FARS2: variants seen among roughly 807,000 people sequenced by gnomAD.
The protein encoded by FARS2 is phenylalanyl-tRNA synthetase 2, mitochondrial.
A neutral mutation model predicts 46.4 loss-of-function variants in FARS2; 40 were observed. The ratio of observed to expected loss-of-function variants is 0.86; its 90% confidence interval spans 0.67 to 1.12. The LOEUF (loss-of-function observed/expected upper bound fraction) is 1.12. Ranked by LOEUF, FARS2 falls within the 50% of genes most tolerant of loss-of-function variation. The pLI is 0.00. For synonymous variants in FARS2, 234 were observed against 214.9 expected (o/e 1.09, Z -0.78); for missense variants, 513 against 567.9 (o/e 0.90, Z 0.98).
At chr6:5,625,980 T>C (rs1776012113) in intron 6 of FARS2, among the ~76,000 whole-genome samples, 1 of 152,216 alleles carries the variant, frequency 6.6e-6, no homozygotes, top group Non-Finnish European at 1.5e-5. Context: ...GCTTTGTTTC[T>C]GTTTTGTTTA....
At chr6:5,401,461 TA>T (rs1191514955) in intron 2 of FARS2, among the ~76,000 whole-genome samples, 1 of 152,190 alleles carries the variant, frequency 6.6e-6, no homozygotes, top group African/African-American at 2.4e-5. Context: ...ATTGTTTAGT[TA>T]CGTTATTTCT....
upstream of FARS2, chr6:5,260,876 A>C: frequency 6.9e-7 from 1 of 1,442,070 alleles, no homozygotes; most frequent in South Asian, 1.4e-5. Flanking sequence ...GCCTAAGCCT[A>C]AGCGGGCAGC....
rs116371865 is a variant in FARS2, at chr6:5,370,938, C to G, written c.612+1756C>G. Among the ~76,000 whole-genome samples the G allele has an allele frequency of 7.6e-3, 1,151 of 152,216 alleles. 8 individuals carry two copies. Among genetic ancestry groups the G allele is most frequent in the African/African-American group, 0.026 (1,060 of 41,536 alleles). ...ATCTGTGTTCATTGCTTCGTTTACT[C>G]CTCTTAATAAAAACCTCGCAAGGTA... On this transcript the variant is annotated intron_variant, in intron 2 of 6. Coordinates refer to ENST00000274680, the MANE Select transcript of FARS2 (RefSeq NM_006567.5).
chr6:5,402,238 GTTAAA>G (rs1000790659), intron 2 of FARS2, among the ~76,000 whole-genome samples: 1 of 147,956 alleles, frequency 6.8e-6, no homozygotes, highest in African/African-American at 2.5e-5. Flanking sequence ...TTTTTTCTGA[GTTAAA>G]TCAATTCTCT....
chr6:5,595,353 G>A (rs142479601), intron 5 of FARS2, among the ~76,000 whole-genome samples: 7 of 152,110 alleles, frequency 4.6e-5, no homozygotes, highest in African/African-American at 1.4e-4. Flanking sequence ...CAGCTGAACC[G>A]CCAATCATGT....
At chr6:5,572,523 A>G (rs1379090705) in intron 5 of FARS2, among the ~76,000 whole-genome samples, 1 of 152,130 alleles carries the variant, frequency 6.6e-6, no homozygotes, top group Non-Finnish European at 1.5e-5. Context: ...AATAGTAAGA[A>G]AGAGATCGAT....
At chr6:5,709,278 G>A (rs1758950249) in intron 6 of FARS2, among the ~76,000 whole-genome samples, 1 of 151,636 alleles carries the variant, frequency 6.6e-6, no homozygotes. Flanking sequence ...AGGCCTGGCA[G>A]GTGGGCCCGA....
chr6:5,329,382 G>A (rs377197131), intron 1 of FARS2, among the ~76,000 whole-genome samples: 5 of 152,144 alleles, frequency 3.3e-5, no homozygotes, highest in African/African-American at 7.2e-5. Flanking sequence ...TTTTGTTGCC[G>A]TGGCATGGTT....
chr6:5,306,260 G>A (rs765761762), intron 1 of FARS2, among the ~76,000 whole-genome samples: 1 of 152,198 alleles, frequency 6.6e-6, no homozygotes, highest in Non-Finnish European at 1.5e-5. Context: ...GTGTAGTTGA[G>A]ATTCTGAAGC....
chr6:5,421,205 C>A (rs1265006021), intron 3 of FARS2, among the ~76,000 whole-genome samples: 2 of 152,160 alleles, frequency 1.3e-5, no homozygotes, highest in Non-Finnish European at 1.5e-5. Context: ...AGGTTTGAGG[C>A]CTGCACCCTC....
chr6:5,294,831 C>G (rs1008136100), intron 1 of FARS2, among the ~76,000 whole-genome samples: 6 of 152,136 alleles, frequency 3.9e-5, no homozygotes, highest in Admixed American at 6.5e-5. Context: ...CTCCCTGAAC[C>G]CTTTCCCCTT....
intron 4 of FARS2, among the ~76,000 whole-genome samples, chr6:5,506,054 T>A (rs1293722754): frequency 6.6e-6 from 1 of 152,188 alleles, no homozygotes; most frequent in Non-Finnish European, 1.5e-5. Flanking sequence ...TGGCTTTGCA[T>A]CTGCATCAAG....
chr6:5,387,176 G>A (rs1760187796), intron 2 of FARS2, among the ~76,000 whole-genome samples: 1 of 152,188 alleles, frequency 6.6e-6, no homozygotes, highest in Non-Finnish European at 1.5e-5. Context: ...TATTCATAGA[G>A]GAGAAAGAGC....
In FARS2 at chr6:5,621,171, G is replaced by A. The variant is rs549537775; in HGVS notation, c.1217+7851G>A. Among the ~76,000 whole-genome samples, 130 of 152,080 alleles carry A rather than the reference G, an allele frequency of 8.5e-4. 1 individual carries two copies. The Middle Eastern group carries it at 0.017, about 20-fold the overall frequency. On this transcript the variant is annotated intron_variant, in intron 6 of 6. Transcript: ENST00000274680. The stretch of plus-strand genomic sequence containing the variant: ...TTTGTTCTGTTGCCCAGGCTGGAGT[G>A]CAACTCCTAGGCTCAAGTGGTCTTC...
intron 5 of FARS2, among the ~76,000 whole-genome samples, chr6:5,600,683 G>A (rs906967262): frequency 5.9e-5 from 9 of 152,250 alleles, no homozygotes; most frequent in South Asian, 2.1e-4. Context: ...GAACACGATC[G>A]CATGGGCTAT....
At chr6:5,297,406 G>A (rs895800167) in intron 1 of FARS2, among the ~76,000 whole-genome samples, 10 of 152,198 alleles carry the variant, frequency 6.6e-5, no homozygotes, top group African/African-American at 2.4e-4. Context: ...CCAGCACTTT[G>A]GGGGGCCAAG....
At chr6:5,696,577 G>A (rs1758116858) in intron 6 of FARS2, among the ~76,000 whole-genome samples, 1 of 152,066 alleles carries the variant, frequency 6.6e-6, no homozygotes, top group East Asian at 1.9e-4. Context: ...TGTATTGAAA[G>A]AACTAAGGTA....
chr6:5,555,593 G>C (rs1771611866), intron 5 of FARS2, among the ~76,000 whole-genome samples: 1 of 152,008 alleles, frequency 6.6e-6, no homozygotes, highest in African/African-American at 2.4e-5. Context: ...ACTTAATGTG[G>C]GATTTTGCAG....
At chr6:5,539,384 G>GTGTGTATGTGTATATATATA in intron 4 of FARS2, among the ~76,000 whole-genome samples, 2 of 79,588 alleles carry the variant, frequency 2.5e-5, no homozygotes, top group African/African-American at 9.2e-5. Context: ...TTTTTTTTGT[G>GTGTGTATGTGTATATATATA]TATATATATA....
Sources: allele counts gnomAD v4.1 joint callset (sites outside exome capture counted in the v4.1 genomes callset), GRCh38; gene constraint gnomAD v4.1.1; transcripts MANE v1.5; gene names NCBI Gene and HGNC (gene_info 2026-07-23, HGNC 2026-07-21).